Variants in POMGNT2 observed in about 807,000 individuals in gnomAD.
The protein encoded by POMGNT2 is protein O-linked-mannose beta-1,4-N-acetylglucosaminyltransferase 2.
POMGNT2 carries 32 observed loss-of-function variants against 37.8 expected under a neutral mutation model. The ratio of observed to expected loss-of-function variants is 0.85; its 90% CI spans 0.64 to 1.14. The LOEUF (loss-of-function observed/expected upper bound fraction) is 1.14, where lower values mean the gene tolerates loss of function less well. Among genes scored for constraint, POMGNT2 ranks in the 50% most tolerant of loss-of-function variants. POMGNT2 has a pLI of 0.00. For synonymous variants in POMGNT2, 340 were observed against 336.8 expected, an observed-to-expected ratio of 1.01 and a Z score of -0.10; for missense variants, 705 against 780.6, an observed-to-expected ratio of 0.90 and a Z score of 1.15.
chr3:43,091,362 T>A (rs544343203), intron 1 of POMGNT2, among the ~76,000 whole-genome samples: 11 of 152,068 alleles, frequency 7.2e-5, no homozygotes, highest in Non-Finnish European at 1.5e-4. Context: ...AGTACCAAAA[T>A]TAAAAAGTAA....
intron 1 of POMGNT2, among the ~76,000 whole-genome samples, chr3:43,086,147 T>C (rs1030507793): frequency 2.1e-4 from 32 of 152,200 alleles, no homozygotes; most frequent in African/African-American, 7.7e-4. Context: ...GATTCTGGGG[T>C]ACAAACAGGT....
In POMGNT2 at chr3:43,079,865, C is replaced by T. The variant is rs776146393; in HGVS notation, c.1567G>A (p.Glu523Lys). Residue 523 changes from glutamate to lysine, a missense_variant, in exon 2 of 2, where the codon GAG (glutamate) becomes AAG (lysine). By Grantham distance (56) the Glu-to-Lys change is moderately conservative (BLOSUM62 1). Transcript: ENST00000344697. ...KYLKVREVKY[E>K]VWLQEQGENT... ...TCCCCCTGCTCCTGCAGCCACACCT[C>T]GTACTTCACCTCCCTCACCTTCAGG... 7 of 1,614,212 alleles carry T rather than the reference C, an allele frequency of 4.3e-6. No individual in the cohort carries two copies. The highest frequency in any genetic ancestry group is 1.6e-4 in the Middle Eastern group (1 of 6,062).
chr3:43,101,864 A>G (rs928818295), intron 1 of POMGNT2, among the ~76,000 whole-genome samples: 8 of 152,162 alleles, frequency 5.3e-5, no homozygotes, highest in Admixed American at 2.6e-4. Context: ...TTTTGAGACA[A>G]GTTGCCCCAA....
chr3:43,097,858 T>A (rs2089991098), intron 1 of POMGNT2, among the ~76,000 whole-genome samples: 1 of 152,192 alleles, frequency 6.6e-6, no homozygotes, highest in South Asian at 2.1e-4. Context: ...GCTGGCCTCA[T>A]GGTTGCCAGT....
chr3:43,088,810 C>G (rs1427380054), intron 1 of POMGNT2, among the ~76,000 whole-genome samples: 1 of 152,264 alleles, frequency 6.6e-6, no homozygotes, highest in Admixed American at 6.5e-5. Flanking sequence ...ACCCTGGTGA[C>G]ATCTCCAAGC....
At position 43,098,435 on chromosome 3, in the gene POMGNT2, T is replaced by C. The variant is rs2089994970; in HGVS notation, c.-106+7401A>G. ...CTTACATTTGCTCCTAAATTAAATA[T>C]TAACCTAATGCTATTGATAAATTCG... On this transcript the variant is annotated intron_variant, in intron 1 of 1. Transcript: ENST00000344697. The surrounding 1 kb of genome is among the most constrained non-coding windows in gnomAD (Gnocchi z 4.3). Among the ~76,000 whole-genome samples the C allele has an allele frequency of 6.6e-6, 1 of 152,234 alleles. No individual in the cohort carries two copies. Among genetic ancestry groups the C allele is most frequent in the African/African-American group, 2.4e-5 (1 of 41,466 alleles).
intron 1 of POMGNT2, among the ~76,000 whole-genome samples, chr3:43,089,460 T>C (rs1187919172): frequency 6.6e-6 from 1 of 152,218 alleles, no homozygotes; most frequent in Non-Finnish European, 1.5e-5. Context: ...GAGGGTGTGA[T>C]GCCAGATCAA....
intron 1 of POMGNT2, among the ~76,000 whole-genome samples, chr3:43,102,871 T>A (rs1001528817): frequency 1.3e-5 from 2 of 152,078 alleles, no homozygotes; most frequent in Admixed American, 1.3e-4. Context: ...TTTTTATTAG[T>A]CAAGGGCAGA....
At position 43,099,357 on chromosome 3, in the gene POMGNT2, G is replaced by A. The variant is rs143811828; in HGVS notation, c.-106+6479C>T. ...GTGGGTGAGTTTTGAGCAAGTTTTT[G>A]GAGGTGTTTTGGTGGTGATGGAGGA... is the stretch of plus-strand genomic sequence containing the variant. On this transcript the variant is annotated intron_variant, in intron 1 of 1. Transcript: ENST00000344697. Among the ~76,000 whole-genome samples, 303 of 152,288 alleles carry A rather than the reference G, an allele frequency of 2.0e-3. 1 individual carries two copies. The highest frequency in any genetic ancestry group is 6.8e-3 in the African/African-American group (282 of 41,564).
intron 1 of POMGNT2, among the ~76,000 whole-genome samples, chr3:43,090,821 G>T (rs1403974917): frequency 6.6e-6 from 1 of 152,184 alleles, no homozygotes; most frequent in Non-Finnish European, 1.5e-5. Flanking sequence ...CTCACACTGG[G>T]GTGGCAGGGA....
At chr3:43,083,639 G>A (rs1197573465) in intron 1 of POMGNT2, among the ~76,000 whole-genome samples, 14 of 152,070 alleles carry the variant, frequency 9.2e-5, no homozygotes, top group Admixed American at 9.2e-4. Context: ...TTTACGTTTC[G>A]AATAAGTGTA....
chr3:43,091,292 G>C (rs575613853), intron 1 of POMGNT2, among the ~76,000 whole-genome samples: 15 of 152,168 alleles, frequency 9.9e-5, no homozygotes, highest in African/African-American at 3.4e-4. Flanking sequence ...TGGGGAGACA[G>C]TGAAAAGGCA....
chr3:43,091,931 A>G (rs2089946721), intron 1 of POMGNT2, among the ~76,000 whole-genome samples: 1 of 152,244 alleles, frequency 6.6e-6, no homozygotes, highest in Non-Finnish European at 1.5e-5. Context: ...ATGTTCTACC[A>G]AATACCTGGC....
At chr3:43,081,597 C>G in intron 1 of POMGNT2, 61 bp from the exon 2 acceptor site, 1 of 654,508 alleles carries the variant, frequency 1.5e-6, no homozygotes, top group Non-Finnish European at 2.6e-6. Context: ...TCATTACAAG[C>G]TCCTGCTATG....
intron 1 of POMGNT2, among the ~76,000 whole-genome samples, chr3:43,084,613 C>A (rs998908179): frequency 9.2e-5 from 14 of 151,524 alleles, no homozygotes; most frequent in Admixed American, 3.9e-4. Context: ...CCACTGCACT[C>A]CAGCCTGGGT....
intron 1 of POMGNT2, among the ~76,000 whole-genome samples, chr3:43,100,754 T>C (rs2090012601): frequency 6.6e-6 from 1 of 152,224 alleles, no homozygotes; most frequent in African/African-American, 2.4e-5. Context: ...GGGTAGCTTC[T>C]CAGTCTATCT....
chr3:43,089,364 T>C (rs2089924601), intron 1 of POMGNT2, among the ~76,000 whole-genome samples: 1 of 152,192 alleles, frequency 6.6e-6, no homozygotes, highest in South Asian at 2.1e-4. Context: ...GTCCAGGGAA[T>C]GTGACCCAAG....
chr3:43,099,672 T>C (rs931111357), intron 1 of POMGNT2, among the ~76,000 whole-genome samples: 2 of 152,060 alleles, frequency 1.3e-5, no homozygotes, highest in Non-Finnish European at 2.9e-5. Context: ...TAGAGCCCTA[T>C]GGGCTCAGGT....
intron 1 of POMGNT2, among the ~76,000 whole-genome samples, chr3:43,104,803 T>C (rs2125713826): frequency 6.6e-6 from 1 of 152,324 alleles, no homozygotes; most frequent in Non-Finnish European, 1.5e-5. Context: ...GCTGAGGACT[T>C]GCCTGGCACT....
Sources: allele counts gnomAD v4.1 joint callset (sites outside exome capture counted in the v4.1 genomes callset), GRCh38; gene constraint gnomAD v4.1.1; non-coding constraint Gnocchi (gnomAD v3.1); transcripts MANE v1.5; gene names NCBI Gene and HGNC (gene_info 2026-07-23, HGNC 2026-07-21).